The following ATG10 variants were observed in gnomAD, a reference collection of about 807,000 sequenced individuals.
ATG10 encodes the protein autophagy related 10.
In ATG10, 30 loss-of-function variants were observed where a neutral mutation model predicts 32.1. The observed-to-expected ratio is 0.94, with a 90% CI of 0.70 to 1.27. The LOEUF is 1.27. Among genes scored for constraint, ATG10 ranks in the 50% most tolerant of loss-of-function variants. The probability of loss-of-function intolerance (pLI) is 0.00; values close to 1 mark genes in which losing one functional copy is unlikely to be tolerated. For synonymous variants in ATG10, 87 were observed against 91.5 expected (o/e 0.95, Z 0.28); for missense variants, 233 against 262.3 (o/e 0.89, Z 0.77).
rs907517500 is a variant in ATG10 at position 82,242,063 on chromosome 5, C to G, written c.454-10499C>G. ...ACGAGCCATTATGAATGAGGGCCAG[C>G]AGACCACAGACTAGTAGCAGACCCA... On this transcript the variant is annotated intron_variant, in intron 5 of 7. Coordinates refer to ENST00000282185, the MANE Select transcript of ATG10 (RefSeq NM_031482.5). Among the ~76,000 whole-genome samples, 15 of 152,158 alleles carry G rather than the reference C, an allele frequency of 9.9e-5. No homozygotes were observed. The East Asian group carries it at 2.9e-3, about 29-fold the overall frequency.
At chr5:82,156,010 A>G (rs574627721) in intron 3 of ATG10, among the ~76,000 whole-genome samples, 3 of 152,292 alleles carry the variant, frequency 2.0e-5, no homozygotes, top group Admixed American at 1.3e-4. Flanking sequence ...TAACTAACCA[A>G]TTAGAAGGAA....
At chr5:82,026,176 CT>C (rs1339587309) in intron 2 of ATG10, among the ~76,000 whole-genome samples, 1 of 152,144 alleles carries the variant, frequency 6.6e-6, no homozygotes, top group Non-Finnish European at 1.5e-5. Context: ...AACCACCATT[CT>C]ACTTTATGTC....
rs189263254 is a variant in ATG10, at chr5:82,152,944, A to C, written c.217-11455A>C. 8.0e-4 allele frequency among the ~76,000 whole-genome samples: 122 copies of C among 152,306 alleles called. 2 individuals carry two copies. The highest frequency in any genetic ancestry group is 7.3e-5 in the Non-Finnish European group (5 of 68,030). On this transcript the variant is annotated intron_variant, in intron 3 of 7. Transcript: ENST00000282185. ...TATTTATTTCACTTAACAAATATTGATTGAATGTCTACTATTTGCCAGGTA... is the reference window on the plus strand; with the variant it reads ...TATTTATTTCACTTAACAAATATTGCTTGAATGTCTACTATTTGCCAGGTA...
intron 5 of ATG10, among the ~76,000 whole-genome samples, chr5:82,231,982 T>A (rs537059515): frequency 6.6e-6 from 1 of 152,222 alleles, no homozygotes; most frequent in Non-Finnish European, 1.5e-5. Context: ...TAAAAAGTAA[T>A]GATAGGTAAT....
At chr5:81,981,537 T>G (rs1761048411) in intron 1 of ATG10, among the ~76,000 whole-genome samples, 1 of 152,250 alleles carries the variant, frequency 6.6e-6, no homozygotes, top group Non-Finnish European at 1.5e-5. Flanking sequence ...CACTTAGAGT[T>G]ATAAATAATG....
chr5:82,059,980 G>A lies in ATG10; in HGVS notation c.216+1378G>A, dbSNP rs546907866. On this transcript the variant is annotated intron_variant, in intron 3 of 7. Transcript: ENST00000282185. ...TTTTAAAAATTAACATAGAAATGGTGATTTTAAAAATGAATTACTAGTTTT... is the reference window on the plus strand; with the variant it reads ...TTTTAAAAATTAACATAGAAATGGTAATTTTAAAAATGAATTACTAGTTTT... Among the ~76,000 whole-genome samples the A allele has an allele frequency of 2.0e-5, 3 of 152,076 alleles. No homozygotes were observed. In the South Asian group the frequency reaches 6.2e-4, roughly 32 times the overall value.
intron 2 of ATG10, among the ~76,000 whole-genome samples, chr5:82,021,611 G>A (rs1488262942): frequency 6.6e-6 from 1 of 152,198 alleles, no homozygotes; most frequent in Non-Finnish European, 1.5e-5. Flanking sequence ...AGCCGGGCGT[G>A]GTGGCTCAAA....
intron 3 of ATG10, among the ~76,000 whole-genome samples, chr5:82,124,807 G>A (rs541698450): frequency 3.9e-4 from 59 of 152,238 alleles, no homozygotes; most frequent in African/African-American, 1.3e-3. Context: ...TATATGCCCA[G>A]TAATGGGATT....
chr5:82,162,085 G>GTGTGTA (rs1743374020), intron 3 of ATG10, among the ~76,000 whole-genome samples: 1 of 151,992 alleles, frequency 6.6e-6, no homozygotes, highest in African/African-American at 2.4e-5. Context: ...GTGTATATAT[G>GTGTGTA]TATATATTTC....
chr5:82,049,673 CAG>C (rs1227290370), intron 2 of ATG10, among the ~76,000 whole-genome samples: 12 of 151,760 alleles, frequency 7.9e-5, no homozygotes, highest in Non-Finnish European at 1.5e-4. Context: ...ACTTGAAAAA[CAG>C]AGTGAAGGTA....
At chr5:82,059,873 A>C (rs1455964240) in intron 3 of ATG10, among the ~76,000 whole-genome samples, 1 of 152,204 alleles carries the variant, frequency 6.6e-6, no homozygotes, top group Non-Finnish European at 1.5e-5. Context: ...TTACTGCTTC[A>C]TGGTTCCAAT....
At chr5:82,234,043 T>C (rs1175456837) in intron 5 of ATG10, among the ~76,000 whole-genome samples, 1 of 152,036 alleles carries the variant, frequency 6.6e-6, no homozygotes, top group Non-Finnish European at 1.5e-5. Flanking sequence ...ATTATAAGAA[T>C]GTAAATATGA....
At chr5:82,158,614 T>C (rs1056457329) in intron 3 of ATG10, among the ~76,000 whole-genome samples, 4 of 152,154 alleles carry the variant, frequency 2.6e-5, no homozygotes, top group Non-Finnish European at 4.4e-5. Flanking sequence ...ATAAGAAACT[T>C]GAACGTCTGT....
intron 5 of ATG10, among the ~76,000 whole-genome samples, chr5:82,225,582 C>A (rs764711277): frequency 1.3e-5 from 2 of 152,188 alleles, no homozygotes; most frequent in Non-Finnish European, 2.9e-5. Context: ...TGGCCTTGAC[C>A]TCATTATGTG....
At chr5:82,121,369 A>G (rs1766032923) in intron 3 of ATG10, among the ~76,000 whole-genome samples, 1 of 152,222 alleles carries the variant, frequency 6.6e-6, no homozygotes, top group Non-Finnish European at 1.5e-5. Context: ...GATCAAGACT[A>G]TGGAATGTTC....
At chr5:81,987,344 C>T (rs1162620228) in intron 1 of ATG10, among the ~76,000 whole-genome samples, 5 of 152,062 alleles carry the variant, frequency 3.3e-5, no homozygotes, top group Non-Finnish European at 7.4e-5. Context: ...AGGCTGGTCT[C>T]GAACTCCTGG....
In ATG10 at chr5:82,025,579, ATTACTGTGCCGTGACATG is replaced by A. The variant is rs1762569891; in HGVS notation, c.109-32905_109-32888del. The stretch of plus-strand genomic sequence containing the variant: ...TTGGGGATGAGATCAGAGCTTCTTA[ATTACTGTGCCGTGACATG>A]TTACTGTGCCACAAATAGGCTATAG... On this transcript the variant is annotated intron_variant, in intron 2 of 7. Coordinates refer to ENST00000282185, the MANE Select transcript of ATG10 (RefSeq NM_031482.5). 3.9e-5 allele frequency among the ~76,000 whole-genome samples: 6 copies of A among 152,306 alleles called. No homozygotes were observed. In the South Asian group the frequency reaches 1.2e-3, roughly 32 times the overall value.
chr5:82,247,630 C>T (rs1747087719), intron 5 of ATG10, among the ~76,000 whole-genome samples: 1 of 152,166 alleles, frequency 6.6e-6, no homozygotes, highest in East Asian at 1.9e-4. Context: ...ACATGTGAGT[C>T]TACACTCAGA....
chr5:82,086,016 C>T (rs1404767948), intron 3 of ATG10, among the ~76,000 whole-genome samples: 1 of 151,978 alleles, frequency 6.6e-6, no homozygotes, highest in Admixed American at 6.5e-5. Flanking sequence ...ATAAACATGT[C>T]AGTAGATGTC....
Sources: gnomAD v4.1 joint callset for allele counts (sites outside exome capture counted in the v4.1 genomes callset) on GRCh38, gnomAD v4.1.1 for gene constraint, MANE v1.5 for transcripts, NCBI Gene and HGNC (gene_info 2026-07-23, HGNC 2026-07-21) for gene names.